Variants in PIAS4 observed in about 807,000 individuals in gnomAD.
PIAS4 encodes protein inhibitor of activated STAT 4.
In PIAS4, 7 loss-of-function variants were observed where a neutral mutation model predicts 58.0. The observed-to-expected ratio is 0.12, with a 90% CI of 0.07 to 0.23. PIAS4 has a LOEUF of 0.23. Among genes scored for constraint, PIAS4 ranks in the 10% least tolerant of loss-of-function variants. PIAS4 has a pLI of 1.00. For synonymous variants in PIAS4, 364 were observed against 312.4 expected (o/e 1.17, Z -1.74); for missense variants, 550 against 709.5 (o/e 0.78, Z 2.55).
chr19:4,034,787 C>T (rs1444003615), intron 9 of PIAS4, among the ~76,000 whole-genome samples: 1 of 152,120 alleles, frequency 6.6e-6, no homozygotes, highest in Non-Finnish European at 1.5e-5. Flanking sequence ...CCTCAGCAGC[C>T]CATGGGACTC....
At position 4,035,758 on chromosome 19, in the gene PIAS4, ACACACACC is replaced by A. The variant is rs1391905799; in HGVS notation, c.1143-1608_1143-1601del. The stretch of plus-strand genomic sequence containing the variant: ...ATCCATACAGTCCACACCATCACAC[ACACACACC>A]CACACACATCCATACAGTCCATACC... On this transcript the variant is annotated intron_variant, in intron 9 of 10. Coordinates refer to ENST00000262971, the MANE Select transcript of PIAS4 (RefSeq NM_015897.4). Among the ~76,000 whole-genome samples, 667 of 95,516 alleles carry A rather than the reference ACACACACC, an allele frequency of 7.0e-3. 8 individuals carry two copies. Among genetic ancestry groups the A allele is most frequent in the African/African-American group, 0.024 (644 of 26,408 alleles). 62.7% of individuals were successfully genotyped at this position (95,516 alleles called of 152,430 possible). A position where few individuals can be genotyped will look rare whatever the true frequency, so the allele number is the denominator to read the frequency against.
chr19:4,032,550 C>T (rs2040232311), intron 7 of PIAS4, among the ~76,000 whole-genome samples: 1 of 152,220 alleles, frequency 6.6e-6, no homozygotes, highest in Admixed American at 6.5e-5. Context: ...TATGTTTCCC[C>T]ATGTTCCGTG....
At chr19:4,032,835 A>G (rs948496287) in intron 7 of PIAS4, among the ~76,000 whole-genome samples, 8 of 152,190 alleles carry the variant, frequency 5.3e-5, no homozygotes, top group Non-Finnish European at 1.0e-4. Context: ...TAGTCCACGC[A>G]GGGTGGGGGA....
At chr19:4,027,267 C>T (rs988053362) in intron 3 of PIAS4, among the ~76,000 whole-genome samples, 14 of 152,246 alleles carry the variant, frequency 9.2e-5, no homozygotes, top group Non-Finnish European at 1.6e-4. Flanking sequence ...GGGTTACTGG[C>T]GTGAGCCACC....
intron 1 of PIAS4, among the ~76,000 whole-genome samples, chr19:4,010,963 A>C (rs774693546): frequency 6.6e-6 from 1 of 152,218 alleles, no homozygotes; most frequent in Non-Finnish European, 1.5e-5. Flanking sequence ...CCCTGGCCCG[A>C]TACAGCTGGA....
At chr19:4,019,985 C>G (rs965536845) in intron 2 of PIAS4, among the ~76,000 whole-genome samples, 2 of 151,638 alleles carry the variant, frequency 1.3e-5, no homozygotes, top group Non-Finnish European at 2.9e-5. Flanking sequence ...GGCAGGATCT[C>G]AGCTCACTGC....
chr19:4,027,001 C>T (rs1207197946), intron 3 of PIAS4, among the ~76,000 whole-genome samples: 5 of 129,958 alleles, frequency 3.8e-5, no homozygotes, highest in African/African-American at 5.6e-5. Context: ...GCACCCGCCA[C>T]CACGCCTGGC....
At chr19:4,021,747 T>C (rs988493579) in intron 2 of PIAS4, among the ~76,000 whole-genome samples, 54 of 146,014 alleles carry the variant, frequency 3.7e-4, no homozygotes, top group South Asian at 1.8e-3. Flanking sequence ...TTTTTCTTTT[T>C]TTTTTTTTTT....
In PIAS4 at chr19:4,036,407, T is replaced by G. The variant is rs149344718; in HGVS notation, c.1143-967T>G. On this transcript the variant is annotated intron_variant, in intron 9 of 10. Transcript: ENST00000262971. Reference sequence around the variant, plus strand: ...ACACACACGTCTATACAGTCCACACTGTCACACATCCGTACAGTCCACACT... The same window carrying G: ...ACACACACGTCTATACAGTCCACACGGTCACACATCCGTACAGTCCACACT... 5.6e-5 allele frequency among the ~76,000 whole-genome samples: 6 copies of G among 107,078 alleles called. 2 individuals are homozygous for G. Among genetic ancestry groups the G allele is most frequent in the Admixed American group, 2.8e-4 (3 of 10,578 alleles). The allele number at this position is 107,078 out of a possible 152,430, so 70.2% of individuals were successfully genotyped here. A position where few individuals can be genotyped will look rare whatever the true frequency, so the allele number is the denominator to read the frequency against.
intron 2 of PIAS4, among the ~76,000 whole-genome samples, chr19:4,017,241 G>A (rs2040061150): frequency 6.6e-6 from 1 of 152,120 alleles, no homozygotes; most frequent in South Asian, 2.1e-4. Flanking sequence ...GCTACCAGAT[G>A]GGGGGCTGCC....
At chr19:4,020,012 G>A (rs1263954461) in intron 2 of PIAS4, among the ~76,000 whole-genome samples, 2 of 151,990 alleles carry the variant, frequency 1.3e-5, no homozygotes, top group Non-Finnish European at 2.9e-5. Flanking sequence ...CGCCTCCCAG[G>A]TTCACGCCAT....
intron 2 of PIAS4, chr19:4,018,324 T>G (rs2040072553): frequency 1.3e-5 from 2 of 152,216 alleles, no homozygotes; most frequent in Admixed American, 1.3e-4. Flanking sequence ...TGGCTGCTAT[T>G]TTATAACCAC....
At chr19:4,008,392 C>T (rs1429165222) in intron 1 of PIAS4, among the ~76,000 whole-genome samples, 3 of 152,174 alleles carry the variant, frequency 2.0e-5, no homozygotes, top group South Asian at 4.1e-4. Context: ...GGCACGTCCT[C>T]TTGGGGTCTG....
intron 7 of PIAS4, among the ~76,000 whole-genome samples, chr19:4,031,428 A>C (rs895336): frequency 1 from 152,178 of 152,300 alleles, 76,029 homozygotes; most frequent in Middle Eastern, 1. Context: ...CTGGCTATGT[A>C]CCCGTGTGAC....
chr19:4,007,990 C>T (rs953940813), intron 1 of PIAS4, among the ~76,000 whole-genome samples: 1 of 151,404 alleles, frequency 6.6e-6, no homozygotes, highest in African/African-American at 2.4e-5. Flanking sequence ...TCCTGCCTCA[C>T]CCAGGTCTTC....
chr19:4,038,281 CCCGGGCG>C lies in PIAS4; in HGVS notation c.*407_*413del, dbSNP rs2040325258. 1 of 154,398 alleles carries C rather than the reference CCCGGGCG, an allele frequency of 6.5e-6. No homozygotes were observed. The highest frequency in any genetic ancestry group is 2.4e-5 in the African/African-American group (1 of 41,434). The allele number at this position is 154,398 out of a possible 1,614,324, so 9.6% of individuals were successfully genotyped here. On this transcript the variant is annotated 3_prime_UTR_variant, in exon 11 of 11. Transcript: ENST00000262971. This position sits in a 1 kb window ranked among gnomAD's most constrained non-coding sequence, Gnocchi z 4.1. ...GACCATTCCAGCCAGTGCGCGGGGA[CCCGGGCG>C]GCGGGCGGTGGGGCGCAGCCCCTCT...
intron 4 of PIAS4, 41 bp downstream of exon 4, chr19:4,028,228 A>G (rs957590538): frequency 2.5e-6 from 2 of 790,236 alleles, no homozygotes; most frequent in Non-Finnish European, 1.7e-6. Flanking sequence ...CTGGACCCCC[A>G]GCCACCCGCC....
Position 4,037,581 on chromosome 19 carries a change from C to T in PIAS4, c.1274-35C>T. 6.2e-7 allele frequency: 1 copy of T among 1,607,590 alleles called. No homozygotes were observed. The highest frequency in any genetic ancestry group is 8.5e-7 in the Non-Finnish European group (1 of 1,179,754). Reference sequence around the variant, plus strand: ...TTTCCCCATTTATCAGTGGTTGCATCCTAAGTACCTGCACCCTGTCCCTGT... The same window carrying T: ...TTTCCCCATTTATCAGTGGTTGCATTCTAAGTACCTGCACCCTGTCCCTGT... On this transcript the variant is annotated intron_variant, in intron 10 of 10. Transcript: ENST00000262971. This position sits in a 1 kb window ranked among gnomAD's most constrained non-coding sequence, Gnocchi z 5.8.
At chr19:4,029,176 C>A (rs571397332) in intron 7 of PIAS4, 140 bp downstream of exon 7, 2 of 646,896 alleles carry the variant, frequency 3.1e-6, no homozygotes, top group Non-Finnish European at 5.4e-6. Context: ...CATGGCCCCC[C>A]GGCTGTGGCT....
Sources: allele counts gnomAD v4.1 joint callset (sites outside exome capture counted in the v4.1 genomes callset), GRCh38; gene constraint gnomAD v4.1.1; non-coding constraint Gnocchi (gnomAD v3.1); transcripts MANE v1.5; gene names NCBI Gene and HGNC (gene_info 2026-07-23, HGNC 2026-07-21).